MT1A: variants seen among roughly 807,000 people sequenced by gnomAD.
MT1A encodes the protein metallothionein-1A.
MT1A carries 6 observed loss-of-function variants against 5.5 expected under a neutral mutation model. The observed-to-expected ratio is 1.09, with a 90% CI of 0.60 to 2.16. MT1A has a LOEUF of 2.16. Among genes scored for constraint, MT1A ranks in the 30% most tolerant of loss-of-function variants. The pLI is 0.00. For synonymous variants in MT1A, 23 were observed against 24.8 expected (o/e 0.93, Z 0.21); for missense variants, 69 against 73.4 (o/e 0.94, Z 0.22).
intron 2 of MT1A, 143 bp downstream of exon 2, chr16:56,639,472 TTAGAC>T: frequency 9.2e-7 from 1 of 1,092,274 alleles, no homozygotes; most frequent in Non-Finnish European, 1.3e-6. Context: ...AGCCAGATCT[TTAGAC>T]GTGATGGATT....
chr16:56,639,711 A>G, intron 2 of MT1A, 148 bp from the exon 3 acceptor site: 1 of 1,070,400 alleles, frequency 9.3e-7, no homozygotes, highest in Admixed American at 2.2e-5. Flanking sequence ...CGAAAGATCC[A>G]CCACTTATCT....
At position 56,639,970 on chromosome 16, in the gene MT1A, G is replaced by A. The variant is rs770704919; in HGVS notation, c.*20G>A. The A allele has an allele frequency of 5.9e-5, 95 of 1,613,430 alleles. No homozygotes were observed. Among genetic ancestry groups the A allele is most frequent in the South Asian group, 1.2e-4 (11 of 91,008 alleles). ...GCCTGATGTCCGGACAGCCCTGCTC[G>A]AAGATATAGAAAGAGTGACCTGCAC... On this transcript the variant is annotated 3_prime_UTR_variant, in exon 3 of 3. Coordinates refer to ENST00000290705, the MANE Select transcript of MT1A (RefSeq NM_005946.3).
chr16:56,639,019 GCT>G (rs1960411599), intron 1 of MT1A, among the ~76,000 whole-genome samples: 1 of 152,154 alleles, frequency 6.6e-6, no homozygotes, highest in South Asian at 2.1e-4. Context: ...GGACTGCTAG[GCT>G]GAGCCCCAGT....
chr16:56,638,831 A>G, intron 1 of MT1A, 65 bp downstream of exon 1: 1 of 1,589,508 alleles, frequency 6.3e-7, no homozygotes, highest in Non-Finnish European at 8.6e-7. Flanking sequence ...AGATGTCCCT[A>G]GGAGTAGAGG....
At position 56,639,294 on chromosome 16, in the gene MT1A, A is replaced by G. The variant is rs756982452; in HGVS notation, c.59A>G (p.Lys20Arg). Reference sequence around the variant, plus strand: ...TCCTGCACCTGCACTGGCTCCTGCAAATGCAAAGAGTGCAAATGCACCTCC... The same window carrying G: ...TCCTGCACCTGCACTGGCTCCTGCAGATGCAAAGAGTGCAAATGCACCTCC... ...GGSCTCTGSCKCKECKCTSCK... is the reference protein window; with the variant it reads ...GGSCTCTGSCRCKECKCTSCK... Residue 20 changes from lysine to arginine, a missense_variant, in exon 2 of 3, where the codon AAA becomes AGA. Transcript: ENST00000290705. 6.2e-7 allele frequency: 1 copy of G among 1,612,148 alleles called. No homozygotes were observed.
intron 1 of MT1A, 128 bp from the exon 2 acceptor site, chr16:56,639,136 C>A: frequency 1.8e-6 from 2 of 1,123,338 alleles, no homozygotes. Context: ...TAAGATTAGG[C>A]TTCATGGTGC....
In MT1A at chr16:56,639,312, G is replaced by A; in HGVS notation, c.77G>A (p.Cys26Tyr). 6.2e-7 allele frequency: 1 copy of A among 1,612,204 alleles called. No individual in the cohort carries two copies. The highest frequency in any genetic ancestry group is 1.3e-5 in the African/African-American group (1 of 75,032). Residue 26 changes from cysteine to tyrosine, a missense_variant, in exon 2 of 3, where the codon TGC (cysteine) becomes TAC (tyrosine). Coordinates refer to ENST00000290705, the MANE Select transcript of MT1A (RefSeq NM_005946.3). ...TGSCKCKECKCTSCKKSCCSC... is the reference protein window; with the variant it reads ...TGSCKCKECKYTSCKKSCCSC... ...TCCTGCAAATGCAAAGAGTGCAAAT[G>A]CACCTCCTGCAAGAAGAGTGAGTGT...
Position 56,639,804 on chromosome 16 carries a change from C to A in MT1A, c.95-55C>A, listed in dbSNP as rs370692787. ...AGCTTGGGCCAGGCTTCTCTGGGGG[C>A]AGGGAAGTCCCCGGTCAAGTCTGGT... On this transcript the variant is annotated intron_variant, in intron 2 of 2. Transcript: ENST00000290705. 77 of 1,609,472 alleles carry A rather than the reference C, an allele frequency of 4.8e-5. 1 individual carries two copies. In the Admixed American group the frequency reaches 8.8e-4, roughly 18 times the overall value.
Position 56,638,751 on chromosome 16 carries a change from T to C in MT1A, c.13T>C (p.Cys5Arg). The C allele has an allele frequency of 6.2e-7, 1 of 1,614,158 alleles. No individual in the cohort carries two copies. The highest frequency in any genetic ancestry group is 8.5e-7 in the Non-Finnish European group (1 of 1,179,994). MDPN[C>R]SCATGGSCTC... The stretch of plus-strand genomic sequence containing the variant: ...ACCGCGGCTCGAAATGGACCCCAAC[T>C]GCTCCTGCGCCACTGGTAAGGGATG... The change falls in exon 1 of 3, where the codon TGC (cysteine) becomes CGC (arginine). Residue 5 changes from cysteine to arginine, a missense_variant. Physicochemically the swap from Cys to Arg is radical, Grantham distance 180. Transcript: ENST00000290705.
chr16:56,639,200 C>T, intron 1 of MT1A, 64 bp from the exon 2 acceptor site: 4 of 1,578,688 alleles, frequency 2.5e-6, no homozygotes, highest in Non-Finnish European at 3.5e-6. Flanking sequence ...CAGCTGGCAG[C>T]ATTTGTTGAC....
Position 56,638,841 on chromosome 16 carries a change from G to A in MT1A, c.28+75G>A, listed in dbSNP as rs1960409730. 2.5e-6 allele frequency: 4 copies of A among 1,576,398 alleles called. No individual in the cohort carries two copies. In the South Asian group the frequency reaches 3.3e-5, roughly 13 times the overall value. ...AGGATAGATGTCCCTAGGAGTAGAG[G>A]TGTTTTTTGAGTTCTAGCTAAGTGG... is the stretch of plus-strand genomic sequence containing the variant. On this transcript the variant is annotated intron_variant, in intron 1 of 2. Coordinates refer to ENST00000290705, the MANE Select transcript of MT1A (RefSeq NM_005946.3).
chr16:56,638,703 T>C lies in MT1A; in HGVS notation c.-36T>C. ...ACGTGCGCCTTATAGCCTCTCAACT[T>C]CTTGCTTGGGATCTCCAACCTCACC... On this transcript the variant is annotated 5_prime_UTR_variant, in exon 1 of 3. Coordinates refer to ENST00000290705, the MANE Select transcript of MT1A (RefSeq NM_005946.3). 6.2e-7 allele frequency: 1 copy of C among 1,613,920 alleles called. No individual in the cohort carries two copies. The highest frequency in any genetic ancestry group is 1.1e-5 in the South Asian group (1 of 91,076).
chr16:56,639,657 C>A (rs1440146034), intron 2 of MT1A, among the ~76,000 whole-genome samples: 1 of 152,236 alleles, frequency 6.6e-6, no homozygotes, highest in Non-Finnish European at 1.5e-5. Flanking sequence ...TCTGCCAGGT[C>A]TGGGGCTCAG....
intron 2 of MT1A, among the ~76,000 whole-genome samples, 159 bp from the exon 3 acceptor site, chr16:56,639,700 T>G (rs1960419468): frequency 6.6e-6 from 1 of 152,140 alleles, no homozygotes; most frequent in South Asian, 2.1e-4. Flanking sequence ...AGACCCTCAC[T>G]CGAAAGATCC....
chr16:56,639,824 T>C, intron 2 of MT1A, 35 bp from the exon 3 acceptor site: 3 of 1,613,594 alleles, frequency 1.9e-6, no homozygotes, highest in Non-Finnish European at 2.5e-6. Flanking sequence ...CCCGGTCAAG[T>C]CTGGTCTGAC....
At chr16:56,639,414 A>C in intron 2 of MT1A, 85 bp downstream of exon 2, 1 of 1,437,900 alleles carries the variant, frequency 7.0e-7, no homozygotes, top group South Asian at 1.1e-5. Context: ...GAGTAGGCCA[A>C]TGATCCATTT....
chr16:56,640,039 T>C lies in MT1A; in HGVS notation c.*89T>C. ...CCATACAACCCTGACCCATTTACTG[T>C]ATTTTTTTTAATGAAATATGTGAAT... On this transcript the variant is annotated 3_prime_UTR_variant, in exon 3 of 3. Transcript: ENST00000290705. The C allele has an allele frequency of 6.7e-7, 1 of 1,482,500 alleles. No individual in the cohort carries two copies. The highest frequency in any genetic ancestry group is 1.3e-5 in the South Asian group (1 of 76,972). 91.8% of individuals were successfully genotyped at this position (1,482,500 alleles called of 1,614,324 possible).
chr16:56,638,775 T>C lies in MT1A; in HGVS notation c.28+9T>C, dbSNP rs1567345773. Reference sequence around the variant, plus strand: ...CTGCTCCTGCGCCACTGGTAAGGGATGCTAGGTTTCTGGTCCTTAGGATAC... The same window carrying C: ...CTGCTCCTGCGCCACTGGTAAGGGACGCTAGGTTTCTGGTCCTTAGGATAC... On this transcript the variant is annotated intron_variant, in intron 1 of 2. Transcript: ENST00000290705. 1.2e-6 allele frequency: 2 copies of C among 1,613,274 alleles called. No individual in the cohort carries two copies. Among genetic ancestry groups the C allele is most frequent in the Non-Finnish European group, 1.7e-6 (2 of 1,179,672 alleles).
intron 2 of MT1A, 87 bp downstream of exon 2, chr16:56,639,416 G>T (rs1852617587): frequency 1.4e-6 from 2 of 1,429,496 alleles, no homozygotes; most frequent in African/African-American, 1.4e-5. Context: ...GTAGGCCAAT[G>T]ATCCATTTCC....
Sources: allele counts gnomAD v4.1 joint callset (sites outside exome capture counted in the v4.1 genomes callset), GRCh38; gene constraint gnomAD v4.1.1; transcripts MANE v1.5; gene names NCBI Gene and HGNC (gene_info 2026-07-23, HGNC 2026-07-21).